Variants in SLC38A4 observed in about 807,000 individuals in gnomAD.
SLC38A4 encodes the protein solute carrier family 38 member 4.
Under a neutral mutation model 63.1 loss-of-function variants are expected in SLC38A4, and 20 were observed. The observed-to-expected ratio is 0.32, with a 90% CI of 0.22 to 0.46. The LOEUF (loss-of-function observed/expected upper bound fraction) is 0.46, where lower values mean the gene tolerates loss of function less well. SLC38A4 is among the 20% of genes least tolerant of loss of function. SLC38A4 has a pLI of 1.00. For synonymous variants in SLC38A4, 230 were observed against 225.5 expected (o/e 1.02, Z -0.18); for missense variants, 526 against 663.6 (o/e 0.79, Z 2.28).
At chr12:46,826,796 G>A (rs1196807871), upstream of SLC38A4, among the ~76,000 whole-genome samples, 2 of 152,130 alleles carry the variant, frequency 1.3e-5, no homozygotes, top group African/African-American at 4.8e-5. Flanking sequence ...TCTTAATCAT[G>A]TGCAATCATG....
At chr12:46,814,048 A>G (rs1026000492) in intron 1 of SLC38A4, among the ~76,000 whole-genome samples, 1 of 152,028 alleles carries the variant, frequency 6.6e-6, no homozygotes, top group Admixed American at 6.6e-5. Flanking sequence ...GTCTAATGAA[A>G]ACTTAGACAA....
intron 7 of SLC38A4, among the ~76,000 whole-genome samples, chr12:46,783,262 TAGATAGATAGATAA>T (rs1938686994): frequency 6.7e-6 from 1 of 149,176 alleles, no homozygotes; most frequent in Admixed American, 6.8e-5. Context: ...GATAGATAGA[TAGATAGATAGATAA>T]AGATAGATAG....
At chr12:46,797,323 G>C (rs1039872599) in intron 2 of SLC38A4, among the ~76,000 whole-genome samples, 5 of 152,230 alleles carry the variant, frequency 3.3e-5, no homozygotes, top group African/African-American at 1.2e-4. Context: ...CTGAAGGTGA[G>C]CATCCTCCAA....
chr12:46,769,220 C>T, intron 15 of SLC38A4, 64 bp downstream of exon 15: 1 of 1,575,374 alleles, frequency 6.3e-7, no homozygotes, highest in Non-Finnish European at 8.7e-7. Context: ...GCACTGGTTC[C>T]CTGTCCATCA....
chr12:46,808,620 G>A (rs1939282632), intron 1 of SLC38A4, among the ~76,000 whole-genome samples: 2 of 151,776 alleles, frequency 1.3e-5, no homozygotes, highest in African/African-American at 4.8e-5. Flanking sequence ...TTCATTTATT[G>A]ATCCCACACT....
chr12:46,829,331 A>G (rs540908205), upstream of SLC38A4, among the ~76,000 whole-genome samples: 177 of 152,314 alleles, frequency 1.2e-3, 1 homozygote, highest in South Asian at 2.5e-3. Context: ...TGATAGGTGG[A>G]AGCACATTTT....
intron 2 of SLC38A4, among the ~76,000 whole-genome samples, chr12:46,801,951 T>A (rs555328215): frequency 5.3e-5 from 8 of 152,094 alleles, no homozygotes; most frequent in African/African-American, 1.9e-4. Flanking sequence ...TATTTTGGCA[T>A]TTCCTTTTTT....
chr12:46,813,395 A>C (rs1165204571), intron 1 of SLC38A4, among the ~76,000 whole-genome samples: 1 of 151,834 alleles, frequency 6.6e-6, no homozygotes, highest in Non-Finnish European at 1.5e-5. Flanking sequence ...GTAAATCCGA[A>C]CTCTTTTTCT....
chr12:46,766,934 G>C, intron 16 of SLC38A4, 132 bp from the exon 17 acceptor site: 1 of 596,504 alleles, frequency 1.7e-6, no homozygotes, highest in East Asian at 2.8e-5. Context: ...CAGATGCCCA[G>C]GCCTAACCTA....
At position 46,781,101 on chromosome 12, in the gene SLC38A4, T is replaced by G. The variant is rs190941577; in HGVS notation, c.494-1071A>C. Reference sequence around the variant, plus strand: ...ACATTGGTTAGTTCTGCACATTACTTCATTTGATCATCTGAAAAACCCTGT... The same window carrying G: ...ACATTGGTTAGTTCTGCACATTACTGCATTTGATCATCTGAAAAACCCTGT... On this transcript the variant is annotated intron_variant, in intron 7 of 16. Coordinates refer to ENST00000266579, the MANE Select transcript of SLC38A4 (RefSeq NM_018018.5). Among the ~76,000 whole-genome samples the G allele has an allele frequency of 9.9e-5, 15 of 152,146 alleles. No individual in the cohort carries two copies. In the East Asian group the frequency reaches 2.9e-3, roughly 29 times the overall value.
At position 46,766,597 on chromosome 12, in the gene SLC38A4, C is replaced by T. The variant is rs1446366386; in HGVS notation, c.*104G>A. The T allele has an allele frequency of 1.2e-6, 1 of 845,694 alleles. No homozygotes were observed. Among genetic ancestry groups the T allele is most frequent in the Non-Finnish European group, 2.0e-6 (1 of 509,634 alleles). 52.4% of individuals were successfully genotyped at this position (845,694 alleles called of 1,614,324 possible). On this transcript the variant is annotated 3_prime_UTR_variant, in exon 17 of 17. Transcript: ENST00000266579. ...ACTGGTAAACGTCTTTGGAATCTTC[C>T]TGTTATTTCCTATGAATAACATTCC...
At chr12:46,785,726 G>A (rs1017514256) in intron 5 of SLC38A4, among the ~76,000 whole-genome samples, 1 of 146,996 alleles carries the variant, frequency 6.8e-6, no homozygotes, top group African/African-American at 2.5e-5. Flanking sequence ...TAAGGATGGG[G>A]CACGAAAATT....
At chr12:46,826,722 G>A (rs1325869303), upstream of SLC38A4, among the ~76,000 whole-genome samples, 2 of 152,146 alleles carry the variant, frequency 1.3e-5, no homozygotes, top group African/African-American at 4.8e-5. Flanking sequence ...CTGAGCCCAG[G>A]AAGCCCAACT....
chr12:46,810,615 G>A (rs1331645299), intron 1 of SLC38A4, among the ~76,000 whole-genome samples: 1 of 151,590 alleles, frequency 6.6e-6, no homozygotes, highest in Non-Finnish European at 1.5e-5. Flanking sequence ...GAGAAATCAT[G>A]TATATCAAAA....
chr12:46,823,088 T>TA (rs930302033), intron 1 of SLC38A4, among the ~76,000 whole-genome samples: 51 of 152,294 alleles, frequency 3.3e-4, no homozygotes, highest in African/African-American at 8.9e-4. Context: ...CATCACCCTG[T>TA]AAAAAACAAT....
At chr12:46,827,793 AT>A (rs1939679709), upstream of SLC38A4, among the ~76,000 whole-genome samples, 1 of 152,098 alleles carries the variant, frequency 6.6e-6, no homozygotes, top group Non-Finnish European at 1.5e-5. Flanking sequence ...AAATGGAAAG[AT>A]AAGACTTTGT....
intron 16 of SLC38A4, among the ~76,000 whole-genome samples, chr12:46,767,552 G>A (rs138281324): frequency 1.0e-3 from 153 of 152,074 alleles, no homozygotes; most frequent in African/African-American, 3.6e-3. Context: ...GTTAAAATTT[G>A]GGAGCAAGCT....
chr12:46,832,144 T>C (rs1939740050), intron 1 of SLC38A4, among the ~76,000 whole-genome samples: 1 of 152,052 alleles, frequency 6.6e-6, no homozygotes, highest in Non-Finnish European at 1.5e-5. Flanking sequence ...AATTAGGAAC[T>C]ATGAGCATGT....
At chr12:46,810,549 T>C (rs1287809938) in intron 1 of SLC38A4, among the ~76,000 whole-genome samples, 5 of 150,678 alleles carry the variant, frequency 3.3e-5, no homozygotes, top group Admixed American at 3.3e-4. Flanking sequence ...ATATAAAAAA[T>C]AAATAAATAA....
Sources: allele counts gnomAD v4.1 joint callset (sites outside exome capture counted in the v4.1 genomes callset), GRCh38; gene constraint gnomAD v4.1.1; transcripts MANE v1.5; gene names NCBI Gene and HGNC (gene_info 2026-07-23, HGNC 2026-07-21).